Variants in STAU2 observed in about 807,000 individuals in gnomAD.
STAU2 encodes staufen double-stranded RNA binding protein 2, also known as double-stranded RNA-binding protein Staufen homolog 2.
Under a neutral mutation model 65.9 loss-of-function variants are expected in STAU2, and 20 were observed. That is an observed-to-expected ratio of 0.30 (90% CI 0.21 to 0.44). STAU2 has a LOEUF of 0.44. Ranked by LOEUF, STAU2 falls within the 20% of genes least tolerant of loss-of-function variation. STAU2 has a pLI of 1.00. For synonymous variants in STAU2, 232 were observed against 233.9 expected, an observed-to-expected ratio of 0.99 and a Z score of 0.07; for missense variants, 558 against 683.9, an observed-to-expected ratio of 0.82 and a Z score of 2.05.
At chr8:73,537,595 A>G (rs1460828510) in intron 13 of STAU2, among the ~76,000 whole-genome samples, 1 of 152,266 alleles carries the variant, frequency 6.6e-6, no homozygotes, top group African/African-American at 2.4e-5. Flanking sequence ...CTGTCAGCCC[A>G]GACTTTTATA....
chr8:73,584,317 A>G (rs143065602), intron 11 of STAU2, among the ~76,000 whole-genome samples: 13 of 152,220 alleles, frequency 8.5e-5, no homozygotes, highest in African/African-American at 2.9e-4. Flanking sequence ...TAACACAGGC[A>G]TCCTTCACAA....
intron 5 of STAU2, among the ~76,000 whole-genome samples, chr8:73,686,062 C>A (rs569182843): frequency 7.9e-5 from 12 of 152,014 alleles, no homozygotes; most frequent in Non-Finnish European, 1.8e-4. Flanking sequence ...GAATGGAAAA[C>A]CAAATGTAGT....
intron 3 of STAU2, chr8:73,728,173 G>A (rs1805785329): frequency 6.6e-6 from 1 of 151,944 alleles, no homozygotes; most frequent in Admixed American, 6.6e-5. Context: ...CATCTCCAGG[G>A]GTCCCCAAAC....
intron 13 of STAU2, among the ~76,000 whole-genome samples, chr8:73,467,156 T>C (rs999136416): frequency 6.6e-6 from 1 of 152,246 alleles, no homozygotes; most frequent in African/African-American, 2.4e-5. Context: ...AGTCTCACTT[T>C]TTAATCTTTG....
chr8:73,691,078 G>C lies in STAU2; in HGVS notation c.115-2265C>G, dbSNP rs146067900. ...CCACATAAATGACCTTGAGATTCCT[G>C]ATTGCATCAGGAAAGCATATTAAAT... is the stretch of plus-strand genomic sequence containing the variant. On this transcript the variant is annotated intron_variant, in intron 4 of 14. Coordinates refer to ENST00000524300, the MANE Select transcript of STAU2 (RefSeq NM_001164380.2). Among the ~76,000 whole-genome samples the C allele has an allele frequency of 7.2e-5, 11 of 152,196 alleles. No individual in the cohort carries two copies. The East Asian group carries it at 2.1e-3, about 29-fold the overall frequency.
chr8:73,607,959 G>C (rs143435180), intron 9 of STAU2, among the ~76,000 whole-genome samples: 269 of 152,192 alleles, frequency 1.8e-3, no homozygotes, highest in African/African-American at 6.0e-3. Flanking sequence ...ACTTATGTAA[G>C]AGCCACTATG....
intron 13 of STAU2, among the ~76,000 whole-genome samples, chr8:73,482,381 T>C (rs1820679521): frequency 6.6e-6 from 1 of 152,102 alleles, no homozygotes; most frequent in Admixed American, 6.5e-5. Context: ...AAAAATTTAA[T>C]AGACATTTGC....
chr8:73,526,848 A>G (rs1488939105), intron 13 of STAU2, among the ~76,000 whole-genome samples: 1 of 152,216 alleles, frequency 6.6e-6, no homozygotes, highest in Non-Finnish European at 1.5e-5. Flanking sequence ...TCAGATTTTT[A>G]GCTTTATTTC....
intron 13 of STAU2, among the ~76,000 whole-genome samples, chr8:73,526,356 CA>C (rs564824516): frequency 1.2e-4 from 18 of 152,302 alleles, no homozygotes; most frequent in African/African-American, 4.3e-4. Context: ...AATACTTCCC[CA>C]CCAATGAATG....
chr8:73,574,174 A>T (rs1400860506), intron 12 of STAU2, among the ~76,000 whole-genome samples: 2 of 152,242 alleles, frequency 1.3e-5, no homozygotes, highest in Non-Finnish European at 2.9e-5. Context: ...ATCACTGGCC[A>T]TCAGAGAAAT....
chr8:73,728,411 T>G (rs901281103), intron 3 of STAU2, among the ~76,000 whole-genome samples: 3 of 151,922 alleles, frequency 2.0e-5, no homozygotes, highest in Non-Finnish European at 4.4e-5. Flanking sequence ...TTTTGGCTAT[T>G]TGGATCTGTT....
chr8:73,719,825 G>A (rs536534956), intron 3 of STAU2, among the ~76,000 whole-genome samples: 35 of 152,108 alleles, frequency 2.3e-4, no homozygotes, highest in Non-Finnish European at 4.6e-4. Context: ...CTGGCATCAT[G>A]AGCCTTGTAA....
At chr8:73,561,524 A>G (rs768543716) in intron 12 of STAU2, 5 of 455,382 alleles carry the variant, frequency 1.1e-5, no homozygotes, top group South Asian at 3.1e-5. Context: ...GAAAAACTCC[A>G]TTAGTTATGA....
At chr8:73,574,839 T>C (rs2128957872) in intron 12 of STAU2, among the ~76,000 whole-genome samples, 1 of 151,902 alleles carries the variant, frequency 6.6e-6, no homozygotes, top group Non-Finnish European at 1.5e-5. Flanking sequence ...CACACCAACA[T>C]GGCACATGTA....
chr8:73,603,584 G>T, intron 10 of STAU2, 142 bp downstream of exon 10: 1 of 1,059,782 alleles, frequency 9.4e-7, no homozygotes. Context: ...CAAGTTGGTA[G>T]GTGAGCCTGG....
chr8:73,481,009 A>T (rs1006638039), intron 13 of STAU2, among the ~76,000 whole-genome samples: 1 of 152,176 alleles, frequency 6.6e-6, no homozygotes, highest in Non-Finnish European at 1.5e-5. Flanking sequence ...TAACACATAT[A>T]AAAGAATACA....
At chr8:73,649,310 GATC>G (rs2130202822) in intron 6 of STAU2, among the ~76,000 whole-genome samples, 2 of 152,182 alleles carry the variant, frequency 1.3e-5, no homozygotes, top group East Asian at 3.9e-4. Flanking sequence ...ACTTCATACA[GATC>G]ATTATTCTTG....
intron 13 of STAU2, among the ~76,000 whole-genome samples, chr8:73,470,453 A>G (rs1819926026): frequency 6.6e-6 from 1 of 152,192 alleles, no homozygotes; most frequent in Non-Finnish European, 1.5e-5. Flanking sequence ...TATGAGACTA[A>G]TAAAGCAAAG....
intron 13 of STAU2, among the ~76,000 whole-genome samples, chr8:73,485,805 G>A (rs1820881535): frequency 6.6e-6 from 1 of 152,104 alleles, no homozygotes; most frequent in African/African-American, 2.4e-5. Flanking sequence ...CAGCACTCCA[G>A]CCTGGACAAC....
Sources: gnomAD v4.1 joint callset for allele counts (sites outside exome capture counted in the v4.1 genomes callset) on GRCh38, gnomAD v4.1.1 for gene constraint, MANE v1.5 for transcripts, NCBI Gene and HGNC (gene_info 2026-07-23, HGNC 2026-07-21) for gene names.